PLCB4: variants seen among roughly 807,000 people sequenced by gnomAD.
The protein encoded by PLCB4 is 1-phosphatidylinositol 4,5-bisphosphate phosphodiesterase beta-4.
PLCB4 carries 77 observed loss-of-function variants against 178.8 expected under a neutral mutation model. That is an observed-to-expected ratio of 0.43 (90% CI 0.36 to 0.52). The LOEUF (loss-of-function observed/expected upper bound fraction) is 0.52. Among genes scored for constraint, PLCB4 ranks in the 20% least tolerant of loss-of-function variants. The probability of loss-of-function intolerance (pLI) is 0.00; values close to 1 mark genes in which losing one functional copy is unlikely to be tolerated. For synonymous variants in PLCB4, 496 were observed against 490.8 expected, an observed-to-expected ratio of 1.01 and a Z score of -0.14; for missense variants, 1,024 against 1,453.4, an observed-to-expected ratio of 0.70 and a Z score of 4.80.
intron 1 of PLCB4, among the ~76,000 whole-genome samples, chr20:9,079,684 C>A (rs2090052479): frequency 6.6e-6 from 1 of 152,224 alleles, no homozygotes; most frequent in South Asian, 2.1e-4. Flanking sequence ...GGGTAGAAAG[C>A]TTATGATCTG....
chr20:9,159,077 A>T (rs1023763862), intron 2 of PLCB4, among the ~76,000 whole-genome samples: 21 of 152,194 alleles, frequency 1.4e-4, no homozygotes, highest in African/African-American at 4.8e-4. Flanking sequence ...TAAAGCTATT[A>T]TCTGAATGAT....
At chr20:9,153,662 G>T (rs2092731239) in intron 2 of PLCB4, among the ~76,000 whole-genome samples, 1 of 152,090 alleles carries the variant, frequency 6.6e-6, no homozygotes, top group South Asian at 2.1e-4. Flanking sequence ...TTTGTAATTG[G>T]ATGTTTAAAG....
At chr20:9,302,187 C>T (rs2094713184) in intron 3 of PLCB4, among the ~76,000 whole-genome samples, 1 of 150,794 alleles carries the variant, frequency 6.6e-6, no homozygotes, top group Non-Finnish European at 1.5e-5. Flanking sequence ...TTTTTCAAGC[C>T]AGTTAGTTGG....
chr20:9,087,426 A>T (rs2090479115), intron 1 of PLCB4, among the ~76,000 whole-genome samples: 1 of 108,146 alleles, frequency 9.2e-6, no homozygotes, highest in Non-Finnish European at 2.2e-5. Context: ...TGTACTTTGA[A>T]TGATTTTTTT....
chr20:9,371,328 C>A, intron 10 of PLCB4, 33 bp downstream of exon 10: 1 of 1,189,390 alleles, frequency 8.4e-7, no homozygotes, highest in Non-Finnish European at 1.2e-6. Context: ...ATTTCTAAAA[C>A]CATTTTGTTT....
At chr20:9,325,559 A>G (rs992500981) in intron 4 of PLCB4, among the ~76,000 whole-genome samples, 2 of 152,202 alleles carry the variant, frequency 1.3e-5, no homozygotes, top group African/African-American at 4.8e-5. Flanking sequence ...CAGCAGAGAC[A>G]CTTCAGGGAG....
chr20:9,109,003 C>T (rs920099202), intron 2 of PLCB4, among the ~76,000 whole-genome samples: 8 of 149,906 alleles, frequency 5.3e-5, no homozygotes, highest in African/African-American at 2.0e-4. Context: ...TTATTGAGTC[C>T]CAGAAATGTA....
intron 27 of PLCB4, 23 bp from the exon 28 acceptor site, chr20:9,423,725 T>C (rs1487464902): frequency 6.3e-7 from 1 of 1,599,900 alleles, no homozygotes; most frequent in East Asian, 2.2e-5. Context: ...GAAAAATCAG[T>C]GAAAGTCCTG....
At chr20:9,170,256 A>C (rs1315357851) in intron 2 of PLCB4, among the ~76,000 whole-genome samples, 3 of 152,208 alleles carry the variant, frequency 2.0e-5, no homozygotes, top group African/African-American at 7.2e-5. Context: ...AGTTACTTTC[A>C]TACTTAGGAA....
intron 2 of PLCB4, among the ~76,000 whole-genome samples, chr20:9,131,069 CTT>C (rs753605298): frequency 6.6e-6 from 1 of 151,280 alleles, no homozygotes; most frequent in African/African-American, 2.4e-5. Context: ...TAACTTGACT[CTT>C]TTTTTTTAAT....
rs749496709 is a variant in PLCB4 at position 9,322,117 on chromosome 20, A to ATTTTTTT, written c.84+14235_84+14241dup. On this transcript the variant is annotated intron_variant, in intron 4 of 39. Coordinates refer to ENST00000378473, the MANE Select transcript of PLCB4 (RefSeq NM_001377142.1). ...CAGGCAGAGCCACCACACCCAGGTA[A>ATTTTTTT]TTTTTTTTTTTTTTTTTTTTTTGTA... 5.1e-5 allele frequency among the ~76,000 whole-genome samples: 6 copies of ATTTTTTT among 116,598 alleles called. 1 individual carries two copies. Among genetic ancestry groups the ATTTTTTT allele is most frequent in the East Asian group, 2.7e-4 (1 of 3,652 alleles). 76.5% of individuals were successfully genotyped at this position (116,598 alleles called of 152,430 possible).
intron 11 of PLCB4, 38 bp from the exon 12 acceptor site, chr20:9,373,009 A>G (rs886424257): frequency 3.3e-6 from 3 of 910,648 alleles, no homozygotes; most frequent in Non-Finnish European, 5.5e-6. Flanking sequence ...GTAGCATCAT[A>G]TACAAAAACT....
intron 2 of PLCB4, among the ~76,000 whole-genome samples, chr20:9,175,220 A>G (rs1312061564): frequency 6.6e-6 from 1 of 152,138 alleles, no homozygotes; most frequent in Non-Finnish European, 1.5e-5. Context: ...GCTCTCCAGG[A>G]GATGATGAAG....
intron 12 of PLCB4, among the ~76,000 whole-genome samples, chr20:9,375,922 G>A (rs907353124): frequency 1.9e-4 from 29 of 152,112 alleles, no homozygotes; most frequent in African/African-American, 7.0e-4. Context: ...CAAAAGACAT[G>A]CTGGTTCCTA....
chr20:9,283,792 G>C (rs755862401), intron 3 of PLCB4, among the ~76,000 whole-genome samples: 1 of 151,882 alleles, frequency 6.6e-6, no homozygotes, highest in Non-Finnish European at 1.5e-5. Flanking sequence ...ATCATCCCTT[G>C]ATAAAGAAGG....
At chr20:9,362,026 T>A (rs1277822595) in intron 7 of PLCB4, among the ~76,000 whole-genome samples, 2 of 152,222 alleles carry the variant, frequency 1.3e-5, no homozygotes, top group Non-Finnish European at 2.9e-5. Context: ...TCCTCAGCAC[T>A]AAGCCGCAAA....
rs373295055 is a variant in PLCB4 at position 9,437,013 on chromosome 20, C to T, written c.2625C>T (p.Ala875=). Residue 875 remains alanine (A), a synonymous_variant, in exon 30 of 40, where the codon GCC becomes GCT. Coordinates refer to ENST00000378473, the MANE Select transcript of PLCB4 (RefSeq NM_001377142.1). Reference sequence around the variant, plus strand: ...TGTTTCTGTTCCAGAGTGACATAGCCGACGTGCCCAGTGACACTTCCAAAA... The same window carrying T: ...TGTTTCTGTTCCAGAGTGACATAGCTGACGTGCCCAGTGACACTTCCAAAA... ...RAMGIETSDI[A]DVPSDTSKND... 6.8e-6 allele frequency: 11 copies of T among 1,613,732 alleles called. 1 individual carries two copies. Among genetic ancestry groups the T allele is most frequent in the South Asian group, 1.1e-5 (1 of 91,026 alleles).
chr20:9,290,063 C>T (rs1252316399), intron 3 of PLCB4, among the ~76,000 whole-genome samples: 3 of 151,902 alleles, frequency 2.0e-5, no homozygotes, highest in Non-Finnish European at 2.9e-5. Context: ...ATGTCATCCT[C>T]CTGGTCTCCA....
In PLCB4 at chr20:9,230,270, A is replaced by C. The variant is rs559767922; in HGVS notation, c.-16+12818A>C. On this transcript the variant is annotated intron_variant, in intron 3 of 39. Coordinates refer to ENST00000378473, the MANE Select transcript of PLCB4 (RefSeq NM_001377142.1). Reference sequence around the variant, plus strand: ...AATAACCTCTTTAAAGATACAGCCAAATACAAATACAATCATGTTCTGAGG... The same window carrying C: ...AATAACCTCTTTAAAGATACAGCCACATACAAATACAATCATGTTCTGAGG... Among the ~76,000 whole-genome samples the C allele has an allele frequency of 2.7e-4, 41 of 152,268 alleles. No individual in the cohort carries two copies. In the South Asian group the frequency reaches 8.3e-3, roughly 31 times the overall value.
Sources: gnomAD v4.1 joint callset for allele counts (sites outside exome capture counted in the v4.1 genomes callset) on GRCh38, gnomAD v4.1.1 for gene constraint, MANE v1.5 for transcripts, NCBI Gene and HGNC (gene_info 2026-07-23, HGNC 2026-07-21) for gene names.